The following KLF12 variants were observed in gnomAD, a reference collection of about 807,000 sequenced individuals.
KLF12 encodes the protein KLF transcription factor 12.
KLF12 carries 9 observed loss-of-function variants against 37.8 expected under a neutral mutation model. That is an observed-to-expected ratio of 0.24 (90% CI 0.14 to 0.42). KLF12 has a LOEUF of 0.42. Among genes scored for constraint, KLF12 ranks in the 10% least tolerant of loss-of-function variants. The pLI is 1.00. For synonymous variants in KLF12, 208 were observed against 202.1 expected, an observed-to-expected ratio of 1.03 and a Z score of -0.25; for missense variants, 411 against 516.0, an observed-to-expected ratio of 0.80 and a Z score of 1.97.
chr13:73,721,016 C>T (rs1876201864), intron 6 of KLF12, among the ~76,000 whole-genome samples: 1 of 152,220 alleles, frequency 6.6e-6, no homozygotes, highest in Non-Finnish European at 1.5e-5. Flanking sequence ...GCAATCACAA[C>T]AGAATTCCAA....
chr13:73,743,350 T>C (rs1212214475), intron 6 of KLF12, among the ~76,000 whole-genome samples: 1 of 152,222 alleles, frequency 6.6e-6, no homozygotes, highest in East Asian at 1.9e-4. Flanking sequence ...TTACAGAATA[T>C]TGACAGAGGG....
chr13:73,886,760 G>A (rs1887239519), intron 3 of KLF12, among the ~76,000 whole-genome samples: 1 of 152,196 alleles, frequency 6.6e-6, no homozygotes, highest in Non-Finnish European at 1.5e-5. Flanking sequence ...TGGAGGCCGA[G>A]GCGAGCGGAT....
At chr13:74,229,683 C>G in the KLF12 span, among the ~76,000 whole-genome samples, 1 of 152,124 alleles carries the variant, frequency 6.6e-6, no homozygotes, top group Non-Finnish European at 1.5e-5. Flanking sequence ...CTGTTCCTTT[C>G]CATTTTTTCA....
intron 6 of KLF12, among the ~76,000 whole-genome samples, chr13:73,741,253 G>T (rs1261651660): frequency 6.6e-6 from 1 of 152,144 alleles, no homozygotes; most frequent in East Asian, 1.9e-4. Flanking sequence ...AAGCACGACT[G>T]GAAAGCTCAC....
rs1876594303 is a variant in KLF12, at chr13:73,725,487, A to G, written c.870-9962T>C. Among the ~76,000 whole-genome samples, 3 of 152,212 alleles carry G rather than the reference A, an allele frequency of 2.0e-5. No homozygotes were observed. The South Asian group carries it at 6.2e-4, about 32-fold the overall frequency. On this transcript the variant is annotated intron_variant, in intron 6 of 7. Transcript: ENST00000377669. ...AACAAGAAAACAAAAACAAAAAAAT[A>G]GAATATGCTTCTCTTTAAAATGGAG...
chr13:74,257,369 AGTCCCT>A, the KLF12 span: 3 of 152,186 alleles, frequency 2.0e-5, no homozygotes, highest in Non-Finnish European at 4.4e-5. Context: ...AACTCCCGAG[AGTCCCT>A]GTACTCTCCA....
chr13:74,260,628 T>TAAAATAAAATAAAATAAAATAAA, the KLF12 span, among the ~76,000 whole-genome samples: 2 of 139,992 alleles, frequency 1.4e-5, no homozygotes, highest in African/African-American at 5.4e-5. Flanking sequence ...TAAAATAAAA[T>TAAAATAAAATAAAATAAAATAAA]AGTGAATTAA....
At chr13:74,300,051 A>G in the KLF12 span, among the ~76,000 whole-genome samples, 1 of 152,154 alleles carries the variant, frequency 6.6e-6, no homozygotes. Flanking sequence ...AAAAAAAACC[A>G]TTGTAAAAAG....
chr13:74,092,404 A>G (rs1006363210), intron 1 of KLF12, among the ~76,000 whole-genome samples: 2 of 150,582 alleles, frequency 1.3e-5, no homozygotes, highest in Admixed American at 1.3e-4. Flanking sequence ...CGGGCAGATC[A>G]CTTGGGGTCA....
At chr13:73,871,763 AG>A (rs1886477462) in intron 3 of KLF12, among the ~76,000 whole-genome samples, 1 of 152,158 alleles carries the variant, frequency 6.6e-6, no homozygotes, top group South Asian at 2.1e-4. Flanking sequence ...TGCTCACTCT[AG>A]GCTGGTTAGC....
chr13:73,757,845 A>T (rs908983795), intron 6 of KLF12, among the ~76,000 whole-genome samples: 1 of 152,200 alleles, frequency 6.6e-6, no homozygotes, highest in Non-Finnish European at 1.5e-5. Flanking sequence ...ACTATGAAAG[A>T]TGAAGAAAGG....
At chr13:73,743,191 G>A (rs1045096016) in intron 6 of KLF12, among the ~76,000 whole-genome samples, 2 of 152,130 alleles carry the variant, frequency 1.3e-5, no homozygotes, top group South Asian at 2.1e-4. Flanking sequence ...TTTATTTAAC[G>A]GTAGATCCTC....
chr13:73,954,808 T>C (rs973653586), intron 2 of KLF12, among the ~76,000 whole-genome samples: 13 of 152,256 alleles, frequency 8.5e-5, no homozygotes, highest in African/African-American at 3.1e-4. Context: ...AAATGATGTC[T>C]TTAGTTATAT....
chr13:74,198,439 G>A, the KLF12 span, among the ~76,000 whole-genome samples: 1 of 152,118 alleles, frequency 6.6e-6, no homozygotes, highest in Admixed American at 6.6e-5. Flanking sequence ...GTAGACCGGC[G>A]CTGCTCTAAG....
intron 4 of KLF12, among the ~76,000 whole-genome samples, chr13:73,820,505 T>C (rs986365704): frequency 5.3e-5 from 8 of 152,224 alleles, no homozygotes; most frequent in Admixed American, 2.0e-4. Flanking sequence ...TCCAGGGTCC[T>C]GTTTTGTTTA....
chr13:74,195,572 A>T, the KLF12 span, among the ~76,000 whole-genome samples: 6 of 152,110 alleles, frequency 3.9e-5, no homozygotes, highest in African/African-American at 1.4e-4. Context: ...CAAACAGGGA[A>T]ATTCCATACA....
chr13:74,061,106 C>G (rs1271890155), intron 1 of KLF12, among the ~76,000 whole-genome samples: 1 of 152,146 alleles, frequency 6.6e-6, no homozygotes, highest in African/African-American at 2.4e-5. Context: ...TTCATCATAG[C>G]AAGAGTTCAC....
chr13:74,101,590 T>TA (rs1194944604), intron 1 of KLF12, among the ~76,000 whole-genome samples: 2 of 151,902 alleles, frequency 1.3e-5, no homozygotes, highest in African/African-American at 4.8e-5. Context: ...GCAGAGAAAA[T>TA]ACAAGATGAG....
At chr13:74,254,408 C>T in the KLF12 span, among the ~76,000 whole-genome samples, 1 of 152,076 alleles carries the variant, frequency 6.6e-6, no homozygotes, top group Non-Finnish European at 1.5e-5. Flanking sequence ...ACTTATTGTG[C>T]AGTTATGGTC....
Sources: gnomAD v4.1 joint callset for allele counts (sites outside exome capture counted in the v4.1 genomes callset) on GRCh38, gnomAD v4.1.1 for gene constraint, MANE v1.5 for transcripts, NCBI Gene and HGNC (gene_info 2026-07-23, HGNC 2026-07-21) for gene names.